The following EYS variants were observed in gnomAD, a reference collection of about 807,000 sequenced individuals.
EYS encodes the protein protein eyes shut homolog.
A neutral mutation model predicts 282.1 loss-of-function variants in EYS; 250 were observed. The ratio of observed to expected loss-of-function variants is 0.89; its 90% CI spans 0.80 to 0.98. The LOEUF is 0.98. Ranked by LOEUF, EYS falls within the 50% of genes least tolerant of loss-of-function variation. The pLI, the probability that EYS is intolerant of heterozygous loss-of-function variation, is 0.00. For synonymous variants in EYS, 1,355 were observed against 1,282.9 expected (o/e 1.06, Z -1.20); for missense variants, 4,016 against 3,709.0 (o/e 1.08, Z -2.15).
At chr6:63,809,377 T>C (rs1398268645) in intron 36 of EYS, among the ~76,000 whole-genome samples, 1 of 152,226 alleles carries the variant, frequency 6.6e-6, no homozygotes, top group East Asian at 1.9e-4. Context: ...ATCAGCCTTC[T>C]GGAAGGATCA....
intron 40 of EYS, among the ~76,000 whole-genome samples, chr6:63,773,821 CA>C (rs1769994198): frequency 1.3e-5 from 2 of 152,132 alleles, no homozygotes; most frequent in South Asian, 4.1e-4. Flanking sequence ...GGAACTTTGG[CA>C]GACCTTAGAG....
intron 22 of EYS, among the ~76,000 whole-genome samples, chr6:64,673,397 G>C (rs546372627): frequency 9.2e-5 from 14 of 152,202 alleles, no homozygotes; most frequent in African/African-American, 3.4e-4. Flanking sequence ...CAGATGCTAA[G>C]AAGCAACATG....
rs183900240 is a variant in EYS, at chr6:65,590,702, T to G, written c.-333+49076A>C. ...CTTCTAGAAGATCAACTTTTGAAGA[T>G]TCCGTTTATGAGATCACGTGGTATT... is the stretch of plus-strand genomic sequence containing the variant. On this transcript the variant is annotated intron_variant, in intron 2 of 42. Coordinates refer to ENST00000503581, the MANE Select transcript of EYS (RefSeq NM_001142800.2). 3.3e-5 allele frequency among the ~76,000 whole-genome samples: 5 copies of G among 152,136 alleles called. No homozygotes were observed. In the East Asian group the frequency reaches 7.8e-4, roughly 24 times the overall value.
chr6:65,595,434 G>A (rs553575477), intron 2 of EYS, among the ~76,000 whole-genome samples: 28 of 151,386 alleles, frequency 1.8e-4, no homozygotes, highest in South Asian at 8.3e-4. Context: ...AAACCTGCAC[G>A]TTGTGCACAT....
intron 2 of EYS, among the ~76,000 whole-genome samples, chr6:65,619,468 T>G (rs1160968956): frequency 6.6e-6 from 1 of 152,190 alleles, no homozygotes; most frequent in Non-Finnish European, 1.5e-5. Context: ...GACAATGGGG[T>G]TTTCCAGATA....
At chr6:64,036,536 G>T (rs1224561041) in intron 33 of EYS, among the ~76,000 whole-genome samples, 1 of 152,180 alleles carries the variant, frequency 6.6e-6, no homozygotes, top group Non-Finnish European at 1.5e-5. Flanking sequence ...ATTAGAGAGG[G>T]TTAGTGTTTA....
intron 12 of EYS, among the ~76,000 whole-genome samples, chr6:65,097,324 T>A (rs1293325096): frequency 6.6e-6 from 1 of 150,936 alleles, no homozygotes; most frequent in East Asian, 1.9e-4. Context: ...AGGATGGCTA[T>A]GATCAAAAAA....
At chr6:64,405,769 A>G (rs1773687201) in intron 28 of EYS, among the ~76,000 whole-genome samples, 1 of 152,200 alleles carries the variant, frequency 6.6e-6, no homozygotes, top group Non-Finnish European at 1.5e-5. Context: ...TCAAACTTAC[A>G]AGGATGGGAA....
At chr6:65,471,665 C>A (rs1054701348) in intron 5 of EYS, among the ~76,000 whole-genome samples, 2 of 152,118 alleles carry the variant, frequency 1.3e-5, no homozygotes, top group Admixed American at 1.3e-4. Flanking sequence ...ATATTCCTTA[C>A]TGTAAAATAA....
intron 5 of EYS, among the ~76,000 whole-genome samples, chr6:65,476,202 CAT>C (rs1765399132): frequency 6.6e-6 from 1 of 152,082 alleles, no homozygotes; most frequent in Non-Finnish European, 1.5e-5. Context: ...TACCATGACG[CAT>C]GATATTTGTT....
At chr6:64,275,451 C>T (rs1472462937) in intron 30 of EYS, among the ~76,000 whole-genome samples, 6 of 140,322 alleles carry the variant, frequency 4.3e-5, no homozygotes, top group Non-Finnish European at 4.6e-5. Context: ...TGTTCTATTT[C>T]TTTTTTTTTT....
chr6:64,054,736 C>T (rs1257927748), intron 33 of EYS, among the ~76,000 whole-genome samples: 1 of 151,824 alleles, frequency 6.6e-6, no homozygotes, highest in African/African-American at 2.4e-5. Context: ...TCCTTAAGTC[C>T]CAGTTTCCTC....
At chr6:65,405,823 C>A (rs1230809047) in intron 5 of EYS, among the ~76,000 whole-genome samples, 2 of 151,944 alleles carry the variant, frequency 1.3e-5, no homozygotes, top group Non-Finnish European at 2.9e-5. Flanking sequence ...TTTTGTTAAT[C>A]CATTCATCCT....
intron 26 of EYS, among the ~76,000 whole-genome samples, chr6:64,530,805 A>T (rs74404339): frequency 0.02 from 2,994 of 152,136 alleles, 90 homozygotes; most frequent in African/African-American, 0.069. Flanking sequence ...ACTTTTTTTT[A>T]AATTTTCTTC....
At chr6:65,340,511 C>T (rs1387351204) in intron 10 of EYS, among the ~76,000 whole-genome samples, 1 of 151,098 alleles carries the variant, frequency 6.6e-6, no homozygotes, top group African/African-American at 2.4e-5. Context: ...GCTTCTGGAA[C>T]ATAAGACTGT....
chr6:64,221,406 T>G (rs1185707285), intron 31 of EYS, among the ~76,000 whole-genome samples: 1 of 152,038 alleles, frequency 6.6e-6, no homozygotes, highest in Non-Finnish European at 1.5e-5. Context: ...TTTCTGCCCT[T>G]TTGTCTATTA....
intron 2 of EYS, among the ~76,000 whole-genome samples, chr6:65,585,290 A>G (rs551531373): frequency 7.2e-5 from 11 of 151,954 alleles, no homozygotes; most frequent in Admixed American, 7.2e-4. Context: ...GATTATTGCT[A>G]ATGTATTCAT....
At chr6:64,024,473 A>C (rs1461317763) in intron 33 of EYS, among the ~76,000 whole-genome samples, 2 of 152,154 alleles carry the variant, frequency 1.3e-5, no homozygotes. Flanking sequence ...ACCAATCAGC[A>C]GGATGTGGGT....
At chr6:64,237,183 C>A (rs898367088) in intron 30 of EYS, among the ~76,000 whole-genome samples, 25 of 152,230 alleles carry the variant, frequency 1.6e-4, no homozygotes, top group African/African-American at 5.8e-4. Flanking sequence ...AATTATATTT[C>A]TTTATTAATA....
Sources: allele counts gnomAD v4.1 joint callset (sites outside exome capture counted in the v4.1 genomes callset), GRCh38; gene constraint gnomAD v4.1.1; transcripts MANE v1.5; gene names NCBI Gene and HGNC (gene_info 2026-07-23, HGNC 2026-07-21).